Variants in RGS6 observed in about 807,000 individuals in gnomAD.
RGS6 encodes the protein regulator of G-protein signaling 6.
A neutral mutation model predicts 78.5 loss-of-function variants in RGS6; 30 were observed. That is an observed-to-expected ratio of 0.38 (90% CI 0.29 to 0.52). The LOEUF (loss-of-function observed/expected upper bound fraction) is 0.52, where lower values mean the gene tolerates loss of function less well. RGS6 is among the 20% of genes least tolerant of loss of function. RGS6 has a pLI of 0.85. For synonymous variants in RGS6, 206 were observed against 206.0 expected (o/e 1.00, Z 0.00); for missense variants, 495 against 609.7 (o/e 0.81, Z 1.98).
intron 2 of RGS6, among the ~76,000 whole-genome samples, chr14:72,329,345 C>A (rs1251658327): frequency 6.6e-6 from 1 of 152,258 alleles, no homozygotes; most frequent in Non-Finnish European, 1.5e-5. Flanking sequence ...CAGATAAAAT[C>A]TCCAACCACT....
chr14:72,363,999 TA>T (rs55943058), intron 3 of RGS6, among the ~76,000 whole-genome samples: 4,013 of 46,630 alleles, frequency 0.086, 209 homozygotes, highest in East Asian at 0.25. Context: ...TGGACAAGGC[TA>T]AAAAAAAAAA....
intron 2 of RGS6, among the ~76,000 whole-genome samples, chr14:72,279,993 A>G (rs886771439): frequency 3.9e-5 from 6 of 152,190 alleles, no homozygotes; most frequent in Non-Finnish European, 5.9e-5. Context: ...ACTCAATGAT[A>G]CTGAGTTTCT....
At chr14:72,340,012 C>A (rs764561674) in intron 2 of RGS6, among the ~76,000 whole-genome samples, 1 of 152,042 alleles carries the variant, frequency 6.6e-6, no homozygotes, top group Non-Finnish European at 1.5e-5. Context: ...CTCAAGGGGC[C>A]CCTCTGCTAT....
chr14:72,181,702 T>C (rs2097175223), intron 2 of RGS6, among the ~76,000 whole-genome samples: 1 of 152,226 alleles, frequency 6.6e-6, no homozygotes, highest in Non-Finnish European at 1.5e-5. Flanking sequence ...TATGGTAAAA[T>C]AATCAGGTTC....
intron 17 of RGS6, chr14:72,541,170 A>G (rs1237550309): frequency 7.2e-7 from 1 of 1,380,914 alleles, no homozygotes; most frequent in Admixed American, 1.9e-5. Context: ...GCCCATTGAT[A>G]TTGACTTGCC....
intron 2 of RGS6, among the ~76,000 whole-genome samples, chr14:72,078,231 C>G (rs1450420684): frequency 1.3e-5 from 2 of 152,130 alleles, no homozygotes; most frequent in Admixed American, 1.3e-4. Context: ...CTTGCTCTTG[C>G]ACCGGCCATG....
the RGS6 span, among the ~76,000 whole-genome samples, chr14:71,888,986 A>G: frequency 2.6e-5 from 4 of 152,202 alleles, no homozygotes; most frequent in Non-Finnish European, 5.9e-5. Flanking sequence ...ATCTAACACA[A>G]GCTGAGGATT....
At chr14:72,595,074 G>A in the RGS6 span, 2 of 152,022 alleles carry the variant, frequency 1.3e-5, no homozygotes, top group Admixed American at 1.3e-4. Flanking sequence ...TGATTCATGG[G>A]GGACTCTAAG....
chr14:71,945,107 G>A (rs572138695), intron 1 of RGS6, among the ~76,000 whole-genome samples: 12 of 152,242 alleles, frequency 7.9e-5, no homozygotes, highest in African/African-American at 2.9e-4. Context: ...TTCAGAGTAA[G>A]GGCTAATATA....
chr14:72,031,085 C>G (rs576010143), intron 2 of RGS6, among the ~76,000 whole-genome samples: 1 of 151,416 alleles, frequency 6.6e-6, no homozygotes, highest in African/African-American at 2.4e-5. Flanking sequence ...TGAATAGATT[C>G]AGACATTGGC....
intron 2 of RGS6, among the ~76,000 whole-genome samples, chr14:72,318,795 C>G (rs980983174): frequency 2.0e-5 from 3 of 152,078 alleles, no homozygotes; most frequent in African/African-American, 7.2e-5. Flanking sequence ...TGGACCCTAC[C>G]TGCTACCATG....
chr14:72,259,405 C>T lies in RGS6; in HGVS notation c.85-92690C>T, dbSNP rs1432188011. Among the ~76,000 whole-genome samples the T allele has an allele frequency of 2.0e-5, 3 of 152,152 alleles. No homozygotes were observed. The East Asian group carries it at 5.8e-4, about 29-fold the overall frequency. On this transcript the variant is annotated intron_variant, in intron 2 of 17. Transcript: ENST00000553525. ...TTACTACATTTTATTTCCTACTTGG[C>T]ATTTAGGCATCTGATTTAGTGACTC...
chr14:72,458,221 CA>C, intron 4 of RGS6, 49 bp from the exon 5 acceptor site: 1 of 1,452,794 alleles, frequency 6.9e-7, no homozygotes, highest in Non-Finnish European at 9.6e-7. Flanking sequence ...AATTTTCAGC[CA>C]AATAACCTGC....
At chr14:72,318,602 C>G (rs962243516) in intron 2 of RGS6, among the ~76,000 whole-genome samples, 15 of 152,114 alleles carry the variant, frequency 9.9e-5, no homozygotes, top group Non-Finnish European at 7.4e-5. Context: ...TGCAGTGGAA[C>G]GAAAGCTCAG....
chr14:72,548,626 A>G (rs1256197802), intron 17 of RGS6, among the ~76,000 whole-genome samples: 1 of 152,158 alleles, frequency 6.6e-6, no homozygotes, highest in Non-Finnish European at 1.5e-5. Flanking sequence ...GAACTTTAAC[A>G]TCTAGAGACA....
chr14:72,399,836 G>GA (rs928441739), intron 3 of RGS6, among the ~76,000 whole-genome samples: 1 of 151,994 alleles, frequency 6.6e-6, no homozygotes, highest in African/African-American at 2.4e-5. Flanking sequence ...GAAGTTTAGA[G>GA]AAAAAAGAAT....
At chr14:72,387,408 G>A (rs1449371530) in intron 3 of RGS6, among the ~76,000 whole-genome samples, 1 of 152,128 alleles carries the variant, frequency 6.6e-6, no homozygotes, top group Non-Finnish European at 1.5e-5. Context: ...AATTAGCCAG[G>A]TATGGTGGCG....
intron 2 of RGS6, among the ~76,000 whole-genome samples, chr14:72,208,487 C>A (rs1329161238): frequency 6.6e-6 from 1 of 152,174 alleles, no homozygotes; most frequent in Non-Finnish European, 1.5e-5. Flanking sequence ...GAGATATATA[C>A]CATGTCTTAC....
At chr14:71,919,072 G>T in the RGS6 span, among the ~76,000 whole-genome samples, 1 of 151,838 alleles carries the variant, frequency 6.6e-6, no homozygotes, top group African/African-American at 2.4e-5. Context: ...AAAGAGAAAA[G>T]AGCTTTCTTC....
Sources: allele counts gnomAD v4.1 joint callset (sites outside exome capture counted in the v4.1 genomes callset), GRCh38; gene constraint gnomAD v4.1.1; transcripts MANE v1.5; gene names NCBI Gene and HGNC (gene_info 2026-07-23, HGNC 2026-07-21).